CEP128: variants seen among roughly 807,000 people sequenced by gnomAD.
CEP128 encodes the protein centrosomal protein 128kDa.
In CEP128, 132 loss-of-function variants were observed where a neutral mutation model predicts 156.7. The ratio of observed to expected loss-of-function variants is 0.84; its 90% CI spans 0.73 to 0.97. The LOEUF (loss-of-function observed/expected upper bound fraction) is 0.97. CEP128 is among the 50% of genes least tolerant of loss of function. The pLI, the probability that CEP128 is intolerant of heterozygous loss-of-function variation, is 0.00. For synonymous variants in CEP128, 469 were observed against 448.9 expected (o/e 1.04, Z -0.57); for missense variants, 1,252 against 1,281.9 (o/e 0.98, Z 0.36).
intron 19 of CEP128, among the ~76,000 whole-genome samples, chr14:80,638,898 T>G (rs1341744826): frequency 1.3e-5 from 2 of 152,204 alleles, no homozygotes; most frequent in Admixed American, 1.3e-4. Flanking sequence ...TAGAAGTCAA[T>G]GACTCATTAC....
In CEP128 at chr14:80,696,685, C is replaced by T. The variant is rs529284175; in HGVS notation, c.2806+46390G>A. ...GTATTTGACAACTAGGATATCATCA[C>T]TGATCTCAGTGAGAGTAGTTTCATA... On this transcript the variant is annotated intron_variant, in intron 19 of 24. Coordinates refer to ENST00000555265, the MANE Select transcript of CEP128 (RefSeq NM_152446.5). Among the ~76,000 whole-genome samples, 3 of 152,230 alleles carry T rather than the reference C, an allele frequency of 2.0e-5. No homozygotes were observed. In the South Asian group the frequency reaches 6.2e-4, roughly 32 times the overall value.
intron 23 of CEP128, among the ~76,000 whole-genome samples, chr14:80,521,042 C>T (rs1158701195): frequency 6.8e-6 from 1 of 146,112 alleles, no homozygotes; most frequent in East Asian, 2.0e-4. Flanking sequence ...AGGGTTTCAC[C>T]ATGTTAGCCA....
intron 21 of CEP128, among the ~76,000 whole-genome samples, chr14:80,536,317 T>G (rs946064471): frequency 6.6e-6 from 1 of 152,202 alleles, no homozygotes; most frequent in Non-Finnish European, 1.5e-5. Flanking sequence ...CTTATTAACA[T>G]GTAACAACTA....
At chr14:80,949,261 C>T (rs1049412674) in intron 2 of CEP128, among the ~76,000 whole-genome samples, 3 of 152,070 alleles carry the variant, frequency 2.0e-5, no homozygotes, top group Non-Finnish European at 4.4e-5. Context: ...GCAAGGAGAG[C>T]GAACCCAGGC....
At chr14:80,666,147 T>A (rs1419036308) in intron 19 of CEP128, among the ~76,000 whole-genome samples, 1 of 152,190 alleles carries the variant, frequency 6.6e-6, no homozygotes, top group Non-Finnish European at 1.5e-5. Flanking sequence ...AGAGGGATGT[T>A]ATGTGGCCCC....
chr14:80,757,050 C>A, intron 17 of CEP128, 99 bp from the exon 18 acceptor site: 1 of 753,708 alleles, frequency 1.3e-6, no homozygotes, highest in Admixed American at 3.1e-5. Flanking sequence ...TTTAGTTCCC[C>A]AATTTAAGGA....
At chr14:80,694,680 A>G (rs953693976) in intron 19 of CEP128, among the ~76,000 whole-genome samples, 23 of 151,804 alleles carry the variant, frequency 1.5e-4, no homozygotes, top group African/African-American at 3.1e-4. Flanking sequence ...GTTCTCACTC[A>G]TAAGTGGGAG....
chr14:80,662,571 G>C (rs138294160), intron 19 of CEP128, among the ~76,000 whole-genome samples: 419 of 152,094 alleles, frequency 2.8e-3, no homozygotes, highest in Middle Eastern at 0.02. Context: ...GTTAAATAGA[G>C]GATTTGCAAC....
intron 19 of CEP128, among the ~76,000 whole-genome samples, chr14:80,656,291 TTA>T (rs1159139132): frequency 0.015 from 377 of 25,580 alleles, 2 homozygotes; most frequent in Non-Finnish European, 0.021. Flanking sequence ...ATATATATAT[TTA>T]TATATATATA....
intron 19 of CEP128, among the ~76,000 whole-genome samples, chr14:80,741,600 C>A (rs1440803729): frequency 1.3e-5 from 2 of 152,120 alleles, no homozygotes; most frequent in East Asian, 3.8e-4. Context: ...GTTAACCTGG[C>A]AAATGTCACT....
At chr14:80,888,841 T>A (rs1888937932) in intron 8 of CEP128, among the ~76,000 whole-genome samples, 1 of 152,174 alleles carries the variant, frequency 6.6e-6, no homozygotes, top group African/African-American at 2.4e-5. Context: ...AGTCAAATTG[T>A]CTCCGTTTGC....
chr14:80,552,968 T>C (rs1045177074), intron 21 of CEP128, among the ~76,000 whole-genome samples: 16 of 152,200 alleles, frequency 1.1e-4, no homozygotes, highest in South Asian at 2.1e-4. Flanking sequence ...TTGCCTTTTT[T>C]TTCTCTTCAG....
At chr14:80,934,520 C>T (rs1885672409) in intron 2 of CEP128, among the ~76,000 whole-genome samples, 1 of 152,148 alleles carries the variant, frequency 6.6e-6, no homozygotes, top group Non-Finnish European at 1.5e-5. Flanking sequence ...CTCTGCAAAG[C>T]TTGGCTTAAC....
intron 19 of CEP128, among the ~76,000 whole-genome samples, chr14:80,596,780 C>G (rs1023090946): frequency 2.4e-4 from 27 of 112,144 alleles, no homozygotes; most frequent in African/African-American, 9.3e-4. Context: ...GCTGGTTGGG[C>G]CATTGCACTC....
intron 21 of CEP128, among the ~76,000 whole-genome samples, chr14:80,549,666 T>TA (rs1470563297): frequency 3.3e-5 from 5 of 152,202 alleles, no homozygotes; most frequent in Non-Finnish European, 7.3e-5. Flanking sequence ...AGTCAGTTGT[T>TA]TCCTGAGTTG....
chr14:80,725,380 ACCATGTTGG>A (rs1897983767), intron 19 of CEP128, among the ~76,000 whole-genome samples: 1 of 151,656 alleles, frequency 6.6e-6, no homozygotes, highest in Non-Finnish European at 1.5e-5. Context: ...ACGGGGTTTT[ACCATGTTGG>A]CCAGGCCGGT....
chr14:80,952,171 T>C (rs1786496899), intron 2 of CEP128, among the ~76,000 whole-genome samples: 1 of 152,048 alleles, frequency 6.6e-6, no homozygotes, highest in South Asian at 2.1e-4. Context: ...CCTAATCACA[T>C]TTGTAGAACA....
intron 8 of CEP128, among the ~76,000 whole-genome samples, chr14:80,885,007 T>C (rs989174746): frequency 1.3e-5 from 2 of 152,094 alleles, no homozygotes; most frequent in African/African-American, 2.4e-5. Flanking sequence ...TTTCCCCTCA[T>C]AGTGTTAACC....
At chr14:80,949,578 C>A (rs1224751522) in intron 2 of CEP128, among the ~76,000 whole-genome samples, 1 of 152,130 alleles carries the variant, frequency 6.6e-6, no homozygotes, top group Non-Finnish European at 1.5e-5. Context: ...TCATGGAACA[C>A]TGGCTAGAGT....
Sources: allele counts gnomAD v4.1 joint callset (sites outside exome capture counted in the v4.1 genomes callset), GRCh38; gene constraint gnomAD v4.1.1; transcripts MANE v1.5; gene names NCBI Gene and HGNC (gene_info 2026-07-23, HGNC 2026-07-21).